The following ACYP2 variants were observed in gnomAD, a reference collection of about 807,000 sequenced individuals.
The protein encoded by ACYP2 is acylphosphatase-2.
In ACYP2, 12 loss-of-function variants were observed where a neutral mutation model predicts 11.2. That is an observed-to-expected ratio of 1.08 (90% CI 0.69 to 1.74). The LOEUF (loss-of-function observed/expected upper bound fraction) is 1.74. Ranked by LOEUF, ACYP2 falls within the 40% of genes most tolerant of loss-of-function variation. The pLI is 0.00. For missense variants in ACYP2, 134 were observed against 101.9 expected, an observed-to-expected ratio of 1.31 and a Z score of -1.35; for synonymous variants, 43 against 32.2, an observed-to-expected ratio of 1.33 and a Z score of -1.13.
intron 2 of ACYP2, among the ~76,000 whole-genome samples, chr2:53,997,614 C>T (rs1672636894): frequency 6.6e-6 from 1 of 151,972 alleles, no homozygotes; most frequent in African/African-American, 2.4e-5. Flanking sequence ...CCATATTTTT[C>T]CTTCTTTTAG....
At chr2:54,155,690 T>C (rs540860349) in intron 6 of ACYP2, among the ~76,000 whole-genome samples, 40 of 152,358 alleles carry the variant, frequency 2.6e-4, no homozygotes, top group African/African-American at 9.1e-4. Context: ...CCCTGGTGCA[T>C]AGAGCCATTT....
At chr2:54,276,575 TG>T (rs1688582472) in intron 6 of ACYP2, among the ~76,000 whole-genome samples, 1 of 150,556 alleles carries the variant, frequency 6.6e-6, no homozygotes, top group East Asian at 2.0e-4. Context: ...ACTTTGATCA[TG>T]AAAACCACAT....
intron 6 of ACYP2, chr2:54,253,532 C>G (rs1179196331): frequency 6.6e-6 from 1 of 152,190 alleles, no homozygotes; most frequent in Non-Finnish European, 1.5e-5. Flanking sequence ...GAACCCTTCT[C>G]TAGGGAACAT....
At chr2:54,153,988 A>C (rs1197887472) in intron 6 of ACYP2, among the ~76,000 whole-genome samples, 2 of 151,762 alleles carry the variant, frequency 1.3e-5, no homozygotes, top group African/African-American at 2.4e-5. Context: ...CAATTTCTTT[A>C]ATCAATGTTA....
rs1202335756 is a variant in ACYP2, at chr2:54,054,315, A to G, written c.156-2924A>G. 2.0e-5 allele frequency among the ~76,000 whole-genome samples: 3 copies of G among 152,250 alleles called. No individual in the cohort carries two copies. In the East Asian group the frequency reaches 5.8e-4, roughly 29 times the overall value. The stretch of plus-strand genomic sequence containing the variant: ...GAGACAGATAGTTTCTAGATTAGGT[A>G]TAATGTGCTAATAATGTAAAAAAGG... On this transcript the variant is annotated intron_variant, in intron 3 of 6. Transcript: ENST00000607452.
At chr2:54,137,956 C>T (rs1018489497) in intron 5 of ACYP2, among the ~76,000 whole-genome samples, 1 of 152,078 alleles carries the variant, frequency 6.6e-6, no homozygotes, top group African/African-American at 2.4e-5. Context: ...TATTTTTTGG[C>T]TTTTTAATAA....
At chr2:54,066,930 G>A (rs1292925266) in intron 4 of ACYP2, among the ~76,000 whole-genome samples, 1 of 152,174 alleles carries the variant, frequency 6.6e-6, no homozygotes, top group African/African-American at 2.4e-5. Context: ...AAGGGAAAAT[G>A]CTGGAGCTAG....
At chr2:54,251,999 G>C (rs1687246766) in intron 6 of ACYP2, among the ~76,000 whole-genome samples, 1 of 152,186 alleles carries the variant, frequency 6.6e-6, no homozygotes, top group Non-Finnish European at 1.5e-5. Context: ...TCTGACTATT[G>C]AGTTGTAAGG....
chr2:54,139,741 A>T (rs1186232404), intron 6 of ACYP2, among the ~76,000 whole-genome samples: 1 of 152,238 alleles, frequency 6.6e-6, no homozygotes, highest in Non-Finnish European at 1.5e-5. Context: ...TATTGTAATA[A>T]GTGAAGTAAC....
chr2:54,255,592 G>C lies in ACYP2; in HGVS notation c.405-49096G>C, dbSNP rs777613409. 1.9e-6 allele frequency: 3 copies of C among 1,613,458 alleles called. No homozygotes were observed. Among genetic ancestry groups the C allele is most frequent in the African/African-American group, 2.7e-5 (2 of 74,954 alleles). ...GGGCCCGGGCCCGGGCCCAGGCCCT[G>C]CCTCCCTGTTTACCTCATCTATTGC... is the stretch of plus-strand genomic sequence containing the variant. On this transcript the variant is annotated intron_variant, in intron 6 of 6. Coordinates refer to ENST00000607452, the MANE Select transcript of ACYP2 (RefSeq NM_001320586.2).
rs181614428 is a variant in ACYP2, at chr2:54,124,423, C to T, written c.278-11030C>T. On this transcript the variant is annotated intron_variant, in intron 4 of 6. Coordinates refer to ENST00000607452, the MANE Select transcript of ACYP2 (RefSeq NM_001320586.2). Reference sequence around the variant, plus strand: ...GTTGGTCAGGCTGGTCTTGAACTCCCGATCTCAGGTGATCCACCCTCCTCG... The same window carrying T: ...GTTGGTCAGGCTGGTCTTGAACTCCTGATCTCAGGTGATCCACCCTCCTCG... Among the ~76,000 whole-genome samples, 1,182 of 152,052 alleles carry T rather than the reference C, an allele frequency of 7.8e-3. 15 individuals are homozygous for T. The highest frequency in any genetic ancestry group is 0.026 in the African/African-American group (1,073 of 41,480).
At chr2:54,031,996 C>A (rs200371116) in intron 2 of ACYP2, among the ~76,000 whole-genome samples, 1 of 151,898 alleles carries the variant, frequency 6.6e-6, no homozygotes, top group African/African-American at 2.4e-5. Context: ...TTGTAAATTT[C>A]TTTAAGTTCT....
chr2:54,199,718 T>C (rs1250287599), intron 6 of ACYP2, among the ~76,000 whole-genome samples: 1 of 152,158 alleles, frequency 6.6e-6, no homozygotes, highest in Non-Finnish European at 1.5e-5. Context: ...GTGAGGGAAA[T>C]ACAGAGTTGT....
At chr2:54,163,834 C>A (rs1682835829) in intron 6 of ACYP2, among the ~76,000 whole-genome samples, 1 of 151,922 alleles carries the variant, frequency 6.6e-6, no homozygotes, top group African/African-American at 2.4e-5. Flanking sequence ...CCAGCCTGGC[C>A]ACCAAGAGCA....
intron 2 of ACYP2, among the ~76,000 whole-genome samples, chr2:54,048,388 T>A (rs1356103550): frequency 6.6e-6 from 1 of 152,156 alleles, no homozygotes; most frequent in Non-Finnish European, 1.5e-5. Context: ...ATTGTGCCAC[T>A]ACATTCCAGC....
intron 6 of ACYP2, among the ~76,000 whole-genome samples, chr2:54,265,441 G>A (rs1191631418): frequency 6.6e-6 from 1 of 152,156 alleles, no homozygotes; most frequent in Non-Finnish European, 1.5e-5. Flanking sequence ...CAACACATGG[G>A]AATTATGGGA....
At chr2:54,013,964 C>T (rs1361438645) in intron 2 of ACYP2, among the ~76,000 whole-genome samples, 1 of 151,978 alleles carries the variant, frequency 6.6e-6, no homozygotes, top group Non-Finnish European at 1.5e-5. Context: ...TCGAGACCAG[C>T]CTGGCCAACG....
At chr2:54,051,218 G>C in intron 3 of ACYP2, 1 of 838,862 alleles carries the variant, frequency 1.2e-6, no homozygotes, top group Non-Finnish European at 2.0e-6. Context: ...AATGGGCAAA[G>C]GAGATCCTAA....
chr2:53,998,406 T>A (rs1017719305), intron 2 of ACYP2, among the ~76,000 whole-genome samples: 1 of 152,158 alleles, frequency 6.6e-6, no homozygotes, highest in Non-Finnish European at 1.5e-5. Flanking sequence ...CTTGAGCATA[T>A]TAACAGAAAA....
Sources: allele counts gnomAD v4.1 joint callset (sites outside exome capture counted in the v4.1 genomes callset), GRCh38; gene constraint gnomAD v4.1.1; transcripts MANE v1.5; gene names NCBI Gene and HGNC (gene_info 2026-07-23, HGNC 2026-07-21).